The following TSPAN16 variants were observed in gnomAD, a reference collection of about 807,000 sequenced individuals.
The protein encoded by TSPAN16 is tetraspanin 16.
Under a neutral mutation model 25.2 loss-of-function variants are expected in TSPAN16, and 23 were observed. The ratio of observed to expected loss-of-function variants is 0.91; its 90% CI spans 0.66 to 1.29. TSPAN16 has a LOEUF of 1.29. Among genes scored for constraint, TSPAN16 ranks in the 50% most tolerant of loss-of-function variants. The pLI, the probability that TSPAN16 is intolerant of heterozygous loss-of-function variation, is 0.00. For missense variants in TSPAN16, 272 were observed against 299.9 expected (o/e 0.91, Z 0.69); for synonymous variants, 123 against 124.4 (o/e 0.99, Z 0.08).
At chr19:11,298,973 T>G (rs749321667) in intron 3 of TSPAN16, 27 bp downstream of exon 3, 9 of 1,608,306 alleles carry the variant, frequency 5.6e-6, no homozygotes, top group African/African-American at 2.7e-5. Flanking sequence ...TCCTCCCACA[T>G]AGCATTAGAA....
At chr19:11,303,577 TA>T (rs1322861353) in intron 4 of TSPAN16, among the ~76,000 whole-genome samples, 11,704 of 78,282 alleles carry the variant, frequency 0.15, 820 homozygotes, top group African/African-American at 0.26. Flanking sequence ...ATAAATAAAT[TA>T]AAAAAAAAAA....
downstream of TSPAN16, among the ~76,000 whole-genome samples, chr19:11,319,200 A>C (rs1010861050): frequency 1.3e-5 from 2 of 152,166 alleles, no homozygotes; most frequent in Non-Finnish European, 2.9e-5. Context: ...CTACAAAGTC[A>C]GGGGGGGTTC....
At position 11,296,214 on chromosome 19, in the gene TSPAN16, G is replaced by C; in HGVS notation, c.-84G>C. On this transcript the variant is annotated 5_prime_UTR_variant, in exon 1 of 7. Coordinates refer to ENST00000590327, the MANE Select transcript of TSPAN16 (RefSeq NM_001282509.2). The stretch of plus-strand genomic sequence containing the variant: ...AGTCAGCATTGGCGCCCCTTCCTCA[G>C]ATCCCTATCATCTTGGGAAACAGTA... The C allele has an allele frequency of 6.9e-7, 1 of 1,441,440 alleles. No individual in the cohort carries two copies. The highest frequency in any genetic ancestry group is 9.7e-7 in the Non-Finnish European group (1 of 1,032,710). 89.3% of individuals were successfully genotyped at this position (1,441,440 alleles called of 1,614,324 possible).
At chr19:11,317,147 AAAAC>A (rs1483092620), downstream of TSPAN16, among the ~76,000 whole-genome samples, 2 of 152,138 alleles carry the variant, frequency 1.3e-5, no homozygotes, top group Non-Finnish European at 2.9e-5. Flanking sequence ...AACCCTCCAA[AAAAC>A]AAACCTCAGA....
intron 5 of TSPAN16, 79 bp from the exon 6 acceptor site, chr19:11,312,060 A>G (rs2080697712): frequency 8.4e-6 from 9 of 1,065,764 alleles, no homozygotes; most frequent in Non-Finnish European, 1.3e-5. Flanking sequence ...TGAGTGGCCT[A>G]ATGAGTTGGG....
chr19:11,316,780 A>G (rs1766268031), downstream of TSPAN16, among the ~76,000 whole-genome samples: 1 of 148,342 alleles, frequency 6.7e-6, no homozygotes, highest in South Asian at 2.2e-4. Flanking sequence ...GTTTGAGACC[A>G]GCCTGGGCAA....
chr19:11,298,270 C>T lies in TSPAN16; in HGVS notation c.198C>T (p.Cys66=). Residue 66 remains cysteine (C), a synonymous_variant, in exon 2 of 7, where the codon TGC becomes TGT. Transcript: ENST00000590327. Reference sequence around the variant, plus strand: ...GCAACCTGTGCCTGGTGATGGGATGCATCACGGTACTGCTTGGCTGTGCCG... The same window carrying T: ...GCAACCTGTGCCTGGTGATGGGATGTATCACGGTACTGCTTGGCTGTGCCG... ...HVGNLCLVMG[C]ITVLLGCAGW... is the part of the protein sequence containing the mutation. 5.0e-6 allele frequency: 8 copies of T among 1,614,116 alleles called. No homozygotes were observed. Among genetic ancestry groups the T allele is most frequent in the Non-Finnish European group, 6.8e-6 (8 of 1,180,030 alleles).
chr19:11,325,900 C>A (rs572494866), intron 6 of TSPAN16, among the ~76,000 whole-genome samples: 33 of 151,856 alleles, frequency 2.2e-4, no homozygotes, highest in Non-Finnish European at 4.3e-4. Context: ...ATAGCAAGGC[C>A]CTATCTCTAC....
At chr19:11,296,799 G>A (rs1319837307) in intron 1 of TSPAN16, among the ~76,000 whole-genome samples, 1 of 152,254 alleles carries the variant, frequency 6.6e-6, no homozygotes, top group Non-Finnish European at 1.5e-5. Context: ...AACGCTTTGG[G>A]AGGCCAAGGC....
chr19:11,308,494 G>A (rs1446116541), intron 5 of TSPAN16, among the ~76,000 whole-genome samples: 5 of 148,518 alleles, frequency 3.4e-5, no homozygotes, highest in Non-Finnish European at 5.9e-5. Context: ...TTTTTGAGAC[G>A]GAGTCTTGCT....
At chr19:11,313,938 C>A (rs2080719511) in intron 6 of TSPAN16, among the ~76,000 whole-genome samples, 1 of 151,982 alleles carries the variant, frequency 6.6e-6, no homozygotes. Flanking sequence ...TCATAATAAT[C>A]AAAAAGTAGA....
chr19:11,306,581 A>G (rs765760578), intron 4 of TSPAN16, 23 bp from the exon 5 acceptor site: 13 of 1,612,462 alleles, frequency 8.1e-6, no homozygotes, highest in African/African-American at 1.3e-5. Flanking sequence ...GGACTCTCCA[A>G]GTATTTCTTC....
Position 11,305,538 on chromosome 19 carries a change from TAATAAAAATAAA to T in TSPAN16, c.451-1040_451-1029del, listed in dbSNP as rs200284233. The stretch of plus-strand genomic sequence containing the variant: ...GACAGAGACTGTGTCTCAAAAAAAA[TAATAAAAATAAA>T]AATAAAAATAAAAATAAAAATAAAA... On this transcript the variant is annotated intron_variant, in intron 4 of 6. Transcript: ENST00000590327. Among the ~76,000 whole-genome samples the T allele has an allele frequency of 3.8e-3, 569 of 149,518 alleles. 4 individuals carry two copies. The highest frequency in any genetic ancestry group is 0.013 in the African/African-American group (525 of 40,288).
chr19:11,318,965 C>T (rs1010391874), downstream of TSPAN16, among the ~76,000 whole-genome samples: 1 of 152,114 alleles, frequency 6.6e-6, no homozygotes, highest in Non-Finnish European at 1.5e-5. Context: ...ACTTTTTTAC[C>T]CACACTTCTG....
In TSPAN16 at chr19:11,315,941, CTG is replaced by C; in HGVS notation, c.*105_*106del. ...GCACTCACTGCTTCTGGAGGGGAGA[CTG>C]TTAATAAAAGATTTGGGAACCCCCT... On this transcript the variant is annotated 3_prime_UTR_variant, in exon 7 of 7. Coordinates refer to ENST00000590327, the MANE Select transcript of TSPAN16 (RefSeq NM_001282509.2). 1 of 1,230,010 alleles carries C rather than the reference CTG, an allele frequency of 8.1e-7. No individual in the cohort carries two copies. The highest frequency in any genetic ancestry group is 1.0e-6 in the Non-Finnish European group (1 of 986,754). The allele number at this position is 1,230,010 out of a possible 1,614,324, so 76.2% of individuals were successfully genotyped here.
At chr19:11,325,673 T>A in intron 6 of TSPAN16, 1 of 1,290,124 alleles carries the variant, frequency 7.8e-7, no homozygotes, top group South Asian at 1.3e-5. Flanking sequence ...CTTCTAAGCC[T>A]AGTTCTGCTC....
At chr19:11,305,781 G>A (rs1182340415) in intron 4 of TSPAN16, among the ~76,000 whole-genome samples, 2 of 151,698 alleles carry the variant, frequency 1.3e-5, no homozygotes, top group Non-Finnish European at 2.9e-5. Context: ...AGGGAGAATC[G>A]CTTGAGCCCA....
intron 6 of TSPAN16, among the ~76,000 whole-genome samples, chr19:11,321,140 G>GC (rs1278363860): frequency 9.2e-5 from 14 of 151,646 alleles, no homozygotes; most frequent in African/African-American, 2.9e-4. Context: ...CTGCACTCCA[G>GC]CTGGGTGGCA....
intron 5 of TSPAN16, among the ~76,000 whole-genome samples, chr19:11,309,570 C>G (rs2080668262): frequency 6.6e-6 from 1 of 152,234 alleles, no homozygotes; most frequent in Non-Finnish European, 1.5e-5. Flanking sequence ...GGCACTTTCT[C>G]CGTGAGGCTG....
Sources: allele counts gnomAD v4.1 joint callset (sites outside exome capture counted in the v4.1 genomes callset), GRCh38; gene constraint gnomAD v4.1.1; transcripts MANE v1.5; gene names NCBI Gene and HGNC (gene_info 2026-07-23, HGNC 2026-07-21).